The following CHCHD3 variants were observed in gnomAD, a reference collection of about 807,000 sequenced individuals.
CHCHD3 encodes MICOS complex subunit MIC19.
Under a neutral mutation model 38.2 loss-of-function variants are expected in CHCHD3, and 20 were observed. The observed-to-expected ratio is 0.52, with a 90% CI of 0.37 to 0.76. The LOEUF (loss-of-function observed/expected upper bound fraction) is 0.76, where lower values mean the gene tolerates loss of function less well. CHCHD3 is among the 30% of genes least tolerant of loss of function. CHCHD3 has a pLI of 0.00. For missense variants in CHCHD3, 245 were observed against 279.2 expected, an observed-to-expected ratio of 0.88 and a Z score of 0.87; for synonymous variants, 82 against 100.0, an observed-to-expected ratio of 0.82 and a Z score of 1.07.
At chr7:132,812,744 A>G (rs888335182) in intron 6 of CHCHD3, among the ~76,000 whole-genome samples, 1 of 151,996 alleles carries the variant, frequency 6.6e-6, no homozygotes, top group Non-Finnish European at 1.5e-5. Flanking sequence ...AAGATTTCCT[A>G]CCTCTCTTGG....
At chr7:132,957,148 C>T (rs540921590) in intron 4 of CHCHD3, among the ~76,000 whole-genome samples, 1 of 152,336 alleles carries the variant, frequency 6.6e-6, no homozygotes, top group East Asian at 1.9e-4. Flanking sequence ...ACCTGGAGAC[C>T]TGGAGGCTGG....
intron 1 of CHCHD3, among the ~76,000 whole-genome samples, chr7:133,079,649 C>T (rs1421460785): frequency 3.3e-5 from 5 of 152,172 alleles, no homozygotes; most frequent in Admixed American, 3.3e-4. Flanking sequence ...TGTCAAAGGC[C>T]ACAGGCTAAT....
intron 2 of CHCHD3, among the ~76,000 whole-genome samples, chr7:133,030,187 G>A (rs1472378164): frequency 6.6e-6 from 1 of 152,134 alleles, no homozygotes; most frequent in Admixed American, 6.5e-5. Context: ...AAACCAGTGA[G>A]GTAATGGGTT....
In CHCHD3 at chr7:133,035,864, G is replaced by A. The variant is rs1813659621; in HGVS notation, c.170-11237C>T. The A allele has an allele frequency of 6.2e-7, 1 of 1,613,150 alleles. No homozygotes were observed. Among genetic ancestry groups the A allele is most frequent in the South Asian group, 1.1e-5 (1 of 91,050 alleles). On this transcript the variant is annotated intron_variant, in intron 2 of 7. Coordinates refer to ENST00000262570, the MANE Select transcript of CHCHD3 (RefSeq NM_017812.4). The surrounding 1 kb of genome is among the most constrained non-coding windows in gnomAD (Gnocchi z 4.7). The stretch of plus-strand genomic sequence containing the variant: ...GAGCCCCGCTGTACTGAGCAGCGAT[G>A]AGAGCCTTGAAGGCCCTCCAGTTTT...
At chr7:132,833,371 G>T (rs1182740615) in intron 6 of CHCHD3, among the ~76,000 whole-genome samples, 1 of 152,130 alleles carries the variant, frequency 6.6e-6, no homozygotes, top group Non-Finnish European at 1.5e-5. Context: ...TAAATCTATT[G>T]TGGGAAAATA....
rs146912120 is a variant in CHCHD3, at chr7:133,034,508, C to CTTTTTTT, written c.170-9888_170-9882dup. The CTTTTTTT allele has an allele frequency of 1.9e-4, 55 of 285,180 alleles. 4 individuals carry two copies. The highest frequency in any genetic ancestry group is 3.0e-4 in the South Asian group (9 of 30,138). 17.7% of individuals were successfully genotyped at this position (285,180 alleles called of 1,614,324 possible). On this transcript the variant is annotated intron_variant, in intron 2 of 7. Transcript: ENST00000262570. ...AGTCCTTTCAGCAATTGGATCCAGT[C>CTTTTTTT]TTTTTTTTTTTTTTTTTTTTTTCAA...
Position 133,058,735 on chromosome 7 carries a change from T to A in CHCHD3, c.169+11407A>T, listed in dbSNP as rs184656824. 3.1e-3 allele frequency among the ~76,000 whole-genome samples: 478 copies of A among 152,336 alleles called. 3 individuals are homozygous for A. The South Asian group carries it at 0.037, about 12-fold the overall frequency. On this transcript the variant is annotated intron_variant, in intron 2 of 7. Transcript: ENST00000262570. The stretch of plus-strand genomic sequence containing the variant: ...AAAAAAACAAATTGCATCTGAAGAA[T>A]TTAGCGTAACTACCAAATGAAGCCA...
chr7:132,835,551 C>T (rs1054019591), intron 6 of CHCHD3, among the ~76,000 whole-genome samples: 11 of 152,188 alleles, frequency 7.2e-5, no homozygotes, highest in African/African-American at 2.7e-4. Flanking sequence ...TGGCCTCTCG[C>T]ACTCCAAACC....
intron 4 of CHCHD3, among the ~76,000 whole-genome samples, chr7:132,965,200 G>A (rs1218967244): frequency 6.6e-6 from 1 of 151,894 alleles, no homozygotes; most frequent in African/African-American, 2.4e-5. Flanking sequence ...CCTTTCTAAT[G>A]TAATAAATCA....
chr7:132,987,963 T>A (rs1039796161), intron 3 of CHCHD3, among the ~76,000 whole-genome samples: 1 of 152,320 alleles, frequency 6.6e-6, no homozygotes, highest in Non-Finnish European at 1.5e-5. Flanking sequence ...ATGATTTTCT[T>A]ACTAACATTT....
intron 1 of CHCHD3, among the ~76,000 whole-genome samples, chr7:133,073,960 G>A (rs983628344): frequency 1.3e-5 from 2 of 152,132 alleles, no homozygotes; most frequent in African/African-American, 4.8e-5. Context: ...CATTGGGAGG[G>A]AGTCACCTTT....
chr7:132,866,616 A>C (rs1313235739), intron 5 of CHCHD3, among the ~76,000 whole-genome samples: 2 of 152,204 alleles, frequency 1.3e-5, no homozygotes, highest in Non-Finnish European at 2.9e-5. Flanking sequence ...AAATACTTCA[A>C]TACTCACTGA....
intron 4 of CHCHD3, among the ~76,000 whole-genome samples, chr7:132,887,890 T>C (rs536633791): frequency 6.6e-6 from 1 of 151,986 alleles, no homozygotes; most frequent in African/African-American, 2.4e-5. Flanking sequence ...TGGATAAAAT[T>C]AACAAGTCTT....
intron 4 of CHCHD3, among the ~76,000 whole-genome samples, chr7:132,900,226 T>C (rs199521963): frequency 7.6e-5 from 1 of 13,196 alleles, no homozygotes; most frequent in African/African-American, 3.7e-4. Context: ...TCATTGCTGC[T>C]AACCAATAAT....
chr7:132,887,458 T>C (rs762635364), intron 4 of CHCHD3, among the ~76,000 whole-genome samples: 1 of 150,692 alleles, frequency 6.6e-6, no homozygotes, highest in Non-Finnish European at 1.5e-5. Flanking sequence ...TGAAAAAGAA[T>C]AGACTCATAA....
At chr7:132,984,752 G>A (rs1288991226) in intron 3 of CHCHD3, among the ~76,000 whole-genome samples, 5 of 146,682 alleles carry the variant, frequency 3.4e-5, no homozygotes, top group South Asian at 2.2e-4. Flanking sequence ...CCTGGCAACC[G>A]GCCCGTCTGA....
intron 6 of CHCHD3, among the ~76,000 whole-genome samples, chr7:132,818,053 C>T (rs1807249600): frequency 2.0e-5 from 3 of 152,134 alleles, no homozygotes; most frequent in Non-Finnish European, 2.9e-5. Context: ...TGGAAAGTAG[C>T]AAGAGATGAT....
At chr7:132,806,031 T>C (rs902433481) in intron 6 of CHCHD3, among the ~76,000 whole-genome samples, 1 of 151,868 alleles carries the variant, frequency 6.6e-6, no homozygotes, top group African/African-American at 2.4e-5. Flanking sequence ...GTGGGGAGCA[T>C]AGAGGCAAAG....
At chr7:132,822,597 AC>A (rs1807407383) in intron 6 of CHCHD3, among the ~76,000 whole-genome samples, 3 of 152,176 alleles carry the variant, frequency 2.0e-5, no homozygotes, top group Admixed American at 2.0e-4. Context: ...CATTTCATTA[AC>A]CCTTATTAAC....
Sources: gnomAD v4.1 joint callset for allele counts (sites outside exome capture counted in the v4.1 genomes callset) on GRCh38, gnomAD v4.1.1 for gene constraint, Gnocchi (gnomAD v3.1) non-coding constraint, MANE v1.5 for transcripts, NCBI Gene and HGNC (gene_info 2026-07-23, HGNC 2026-07-21) for gene names.